RBM26: variants seen among roughly 807,000 people sequenced by gnomAD.
RBM26 encodes RNA binding motif protein 26.
In RBM26, 30 loss-of-function variants were observed where a neutral mutation model predicts 123.6. The ratio of observed to expected loss-of-function variants is 0.24; its 90% CI spans 0.18 to 0.33. The LOEUF is 0.33. Ranked by LOEUF, RBM26 falls within the 10% of genes least tolerant of loss-of-function variation. The pLI is 1.00. For synonymous variants in RBM26, 400 were observed against 404.4 expected (o/e 0.99, Z 0.13); for missense variants, 947 against 1,203.6 (o/e 0.79, Z 3.15).
At chr13:79,356,817 G>T (rs142311746) in intron 11 of RBM26, among the ~76,000 whole-genome samples, 1 of 152,232 alleles carries the variant, frequency 6.6e-6, no homozygotes, top group African/African-American at 2.4e-5. Context: ...ACTTGTAATT[G>T]AGTAAATGCA....
chr13:79,400,379 C>CCTCCCATGGCAGAAGTCAGAGGT (rs2078961360), intron 1 of RBM26, among the ~76,000 whole-genome samples: 1 of 152,118 alleles, frequency 6.6e-6, no homozygotes, highest in Non-Finnish European at 1.5e-5. Context: ...CTCCGGAGTT[C>CCTCCCATGGCAGAAGTCAGAGGT]CTCCCATGGC....
At chr13:79,374,019 G>C (rs2076414730) in intron 3 of RBM26, among the ~76,000 whole-genome samples, 1 of 151,882 alleles carries the variant, frequency 6.6e-6, no homozygotes, top group African/African-American at 2.4e-5. Flanking sequence ...GAAATATCGT[G>C]CAAGTGGCTT....
Position 79,359,561 on chromosome 13 carries a change from C to A in RBM26, c.1529+14G>T. The A allele has an allele frequency of 1.6e-6, 2 of 1,249,534 alleles. No individual in the cohort carries two copies. The highest frequency in any genetic ancestry group is 1.3e-5 in the South Asian group (1 of 77,970). The allele number at this position is 1,249,534 out of a possible 1,614,324, so 77.4% of individuals were successfully genotyped here. On this transcript the variant is annotated intron_variant, in intron 10 of 21. Transcript: ENST00000438737. ...ATGCACAATTATACTCCTCAATTTT[C>A]CTGGCCACCTTACTTATCAAACCAA...
chr13:79,340,508 G>A (rs757327830), intron 18 of RBM26, among the ~76,000 whole-genome samples: 3 of 151,946 alleles, frequency 2.0e-5, no homozygotes, highest in African/African-American at 4.8e-5. Flanking sequence ...TATTAATGAC[G>A]TTAATGTCTA....
intron 20 of RBM26, among the ~76,000 whole-genome samples, chr13:79,327,288 C>T (rs2068574019): frequency 3.3e-5 from 3 of 91,440 alleles, no homozygotes; most frequent in South Asian, 9.8e-4. Context: ...AGAATGAGAA[C>T]CTGTCTCAAA....
chr13:79,385,391 G>A (rs1462416933), intron 1 of RBM26, among the ~76,000 whole-genome samples: 2 of 152,162 alleles, frequency 1.3e-5, no homozygotes, highest in Non-Finnish European at 2.9e-5. Context: ...ATCTAAATAT[G>A]ATCCATCCTT....
intron 20 of RBM26, among the ~76,000 whole-genome samples, chr13:79,329,317 G>T (rs951313904): frequency 6.6e-6 from 1 of 151,458 alleles, no homozygotes; most frequent in African/African-American, 2.4e-5. Flanking sequence ...CTTTATACAT[G>T]TGTATATATG....
intron 1 of RBM26, among the ~76,000 whole-genome samples, chr13:79,380,454 T>A (rs1306662594): frequency 1.3e-5 from 2 of 151,254 alleles, no homozygotes; most frequent in African/African-American, 2.4e-5. Context: ...GATGATAGTA[T>A]GAACTAAGTA....
chr13:79,353,655 A>C (rs1191280760), intron 13 of RBM26, among the ~76,000 whole-genome samples: 1 of 152,222 alleles, frequency 6.6e-6, no homozygotes, highest in Non-Finnish European at 1.5e-5. Flanking sequence ...TTTTAAATTA[A>C]CTAATAATTT....
rs201555076 is a variant in RBM26, at chr13:79,355,250, G to C, written c.1824C>G (p.Ser608Arg). 2.5e-6 allele frequency: 4 copies of C among 1,613,920 alleles called. No individual in the cohort carries two copies. The highest frequency in any genetic ancestry group is 3.4e-6 in the Non-Finnish European group (4 of 1,179,852). The part of the protein sequence containing the change: ...FIKVYWHREG[S>R]TQQLQTTSPK... ...GAGAAGTAGTTTGTAACTGTTGGGT[G>C]CTTCCTTCTCTGTGCCAATAAACCT... is the stretch of plus-strand genomic sequence containing the variant. The change falls in exon 12 of 22, where the codon AGC becomes AGG. Residue 608 changes from serine to arginine, a missense_variant. Ser to Arg is a moderately radical substitution (Grantham distance 110, BLOSUM62 -1). Around this residue, in one of 5 missense-constraint regions of RBM26, gnomAD observed 493 missense variants for 563.1 expected, o/e 0.88. Transcript: ENST00000438737.
rs112420317 is a variant in RBM26, at chr13:79,348,910, T to C, written c.2059-4116A>G. Among the ~76,000 whole-genome samples, 1,193 of 152,320 alleles carry C rather than the reference T, an allele frequency of 7.8e-3. 25 individuals are homozygous for C. Among genetic ancestry groups the C allele is most frequent in the African/African-American group, 0.026 (1,102 of 41,586 alleles). On this transcript the variant is annotated intron_variant, in intron 14 of 21. Transcript: ENST00000438737. ...AATGCACTGATCTACCTTATCTTTTTTGTAGCTTTCAAAATTTTATTCTTT... is the reference window on the plus strand; with the variant it reads ...AATGCACTGATCTACCTTATCTTTTCTGTAGCTTTCAAAATTTTATTCTTT...
chr13:79,355,857 C>A (rs2073912997), intron 11 of RBM26, among the ~76,000 whole-genome samples: 2 of 150,990 alleles, frequency 1.3e-5, no homozygotes, highest in African/African-American at 2.4e-5. Flanking sequence ...AATTTAAGAA[C>A]AAAAAAAAAG....
chr13:79,354,410 C>T (rs768251185), intron 13 of RBM26, 29 bp downstream of exon 13: 8 of 1,469,312 alleles, frequency 5.4e-6, no homozygotes, highest in South Asian at 1.6e-5. Flanking sequence ...GAACCTATTA[C>T]GGGCACAATC....
chr13:79,359,842 T>C (rs2074468905), intron 9 of RBM26, among the ~76,000 whole-genome samples, 156 bp from the exon 10 acceptor site: 1 of 151,092 alleles, frequency 6.6e-6, no homozygotes, highest in South Asian at 2.1e-4. Context: ...AATAAATGTA[T>C]AGTAGCTCCC....
At chr13:79,375,051 ATATT>A (rs2076516033) in intron 3 of RBM26, among the ~76,000 whole-genome samples, 3 of 40,790 alleles carry the variant, frequency 7.4e-5, no homozygotes, top group South Asian at 8.4e-4. Flanking sequence ...TATATACTAT[ATATT>A]TATATTTTTA....
intron 13 of RBM26, among the ~76,000 whole-genome samples, chr13:79,353,803 T>C (rs983405508): frequency 6.6e-6 from 1 of 152,078 alleles, no homozygotes; most frequent in Non-Finnish European, 1.5e-5. Flanking sequence ...ACACAGCAAA[T>C]GCTGAAACAT....
chr13:79,332,186 A>G (rs1450191999), intron 20 of RBM26, among the ~76,000 whole-genome samples: 1 of 152,208 alleles, frequency 6.6e-6, no homozygotes, highest in Admixed American at 6.5e-5. Flanking sequence ...AACATTGGCA[A>G]GGGCTGACAG....
intron 21 of RBM26, among the ~76,000 whole-genome samples, chr13:79,320,974 T>C (rs1042108639): frequency 7.3e-5 from 11 of 151,296 alleles, no homozygotes; most frequent in Non-Finnish European, 1.2e-4. Context: ...TGCCTCTCTT[T>C]AGCAAATTAC....
chr13:79,379,857 A>G (rs982666021), intron 1 of RBM26, among the ~76,000 whole-genome samples: 10 of 152,202 alleles, frequency 6.6e-5, no homozygotes. Flanking sequence ...GCTAAAACAT[A>G]AAATAAATAA....
Sources: allele counts gnomAD v4.1 joint callset (sites outside exome capture counted in the v4.1 genomes callset), GRCh38; gene constraint gnomAD v4.1.1; regional missense constraint gnomAD v4.1.1; transcripts MANE v1.5; gene names NCBI Gene and HGNC (gene_info 2026-07-23, HGNC 2026-07-21).